KRAS: variants seen among roughly 807,000 people sequenced by gnomAD.
KRAS encodes GTPase KRas.
In KRAS, 1 loss-of-function variant was observed where a neutral mutation model predicts 21.0. That is an observed-to-expected ratio of 0.05 (90% CI 0.02 to 0.23). KRAS has a LOEUF of 0.23. Among genes scored for constraint, KRAS ranks in the 10% least tolerant of loss-of-function variants. KRAS has a pLI of 1.00. For synonymous variants in KRAS, 67 were observed against 72.5 expected (o/e 0.92, Z 0.39); for missense variants, 107 against 221.8 (o/e 0.48, Z 3.29).
chr12:25,215,673 A>T (rs904034689), intron 4 of KRAS: 76 of 799,868 alleles, frequency 9.5e-5, no homozygotes, highest in East Asian at 1.3e-4. Flanking sequence ...TTTTTTTTTT[A>T]AACAGACATC....
At chr12:25,224,335 G>A (rs1024226264) in intron 4 of KRAS, among the ~76,000 whole-genome samples, 1 of 152,082 alleles carries the variant, frequency 6.6e-6, no homozygotes, top group Non-Finnish European at 1.5e-5. Context: ...GACAAGATGT[G>A]GAAGTGGAAG....
At chr12:25,231,534 A>C (rs1476187934) in intron 2 of KRAS, among the ~76,000 whole-genome samples, 2 of 152,222 alleles carry the variant, frequency 1.3e-5, no homozygotes, top group East Asian at 3.8e-4. Context: ...CATATTTCAT[A>C]AGATGCTTCC....
At chr12:25,210,059 T>C in intron 4 of KRAS, 148 bp from the exon 5 acceptor site, 1 of 528,982 alleles carries the variant, frequency 1.9e-6, no homozygotes, top group Non-Finnish European at 3.2e-6. Context: ...ATATTAGGAC[T>C]TTTAGAATTC....
In KRAS at chr12:25,227,417, G is replaced by A. The variant is rs376520586; in HGVS notation, c.112-5C>T. The A allele has an allele frequency of 5.6e-6, 9 of 1,613,512 alleles. No individual in the cohort carries two copies. The highest frequency in any genetic ancestry group is 4.0e-5 in the African/African-American group (3 of 74,906). ...TACTTGCTTCCTGTAGGAATCCTGA[G>A]AAGGGAGAAACACAGTCTGGATTAT... On this transcript the variant is annotated splice_region_variant and splice_polypyrimidine_tract_variant and intron_variant, in intron 2 of 4. Coordinates refer to ENST00000311936, the MANE Select transcript of KRAS (RefSeq NM_004985.5).
chr12:25,220,681 C>T (rs1565882273), intron 4 of KRAS, among the ~76,000 whole-genome samples: 2 of 149,830 alleles, frequency 1.3e-5, no homozygotes, highest in Non-Finnish European at 3.0e-5. Flanking sequence ...GAGCCAGGAT[C>T]GCGCCACTGC....
chr12:25,244,052 T>C (rs898020957), intron 2 of KRAS, among the ~76,000 whole-genome samples: 1 of 152,216 alleles, frequency 6.6e-6, no homozygotes, highest in South Asian at 2.1e-4. Context: ...TGATTAGTTA[T>C]CTAATCAATT....
intron 4 of KRAS, among the ~76,000 whole-genome samples, chr12:25,219,057 G>T (rs1400421445): frequency 6.6e-6 from 1 of 151,652 alleles, no homozygotes; most frequent in East Asian, 1.9e-4. Flanking sequence ...TCCTGCCTCA[G>T]CCTCCTGAGT....
chr12:25,213,977 A>C (rs1057240563), intron 4 of KRAS, among the ~76,000 whole-genome samples: 3 of 152,242 alleles, frequency 2.0e-5, no homozygotes, highest in African/African-American at 7.2e-5. Context: ...ATTCTGGCTA[A>C]GATTTTGCTG....
intron 2 of KRAS, among the ~76,000 whole-genome samples, chr12:25,240,480 G>A (rs1480530329): frequency 2.0e-5 from 3 of 152,198 alleles, no homozygotes; most frequent in Non-Finnish European, 2.9e-5. Context: ...CCACATGAAT[G>A]AACTGATGTG....
Position 25,207,788 on chromosome 12 carries a change from G to C in KRAS, c.*2007C>G, listed in dbSNP as rs1319636170. 1 of 232,854 alleles carries C rather than the reference G, an allele frequency of 4.3e-6. No individual in the cohort carries two copies. Among genetic ancestry groups the C allele is most frequent in the African/African-American group, 2.2e-5 (1 of 45,316 alleles). The allele number at this position is 232,854 out of a possible 1,614,324, so 14.4% of individuals were successfully genotyped here. A position where few individuals can be genotyped will look rare whatever the true frequency, so the allele number is the denominator to read the frequency against. On this transcript the variant is annotated 3_prime_UTR_variant, in exon 5 of 5. Coordinates refer to ENST00000311936, the MANE Select transcript of KRAS (RefSeq NM_004985.5). The stretch of plus-strand genomic sequence containing the variant: ...GCCACCACCTGAAAATTAGTGATTA[G>C]GTCAAATCCCTTTATGGTATCTGTC...
chr12:25,209,278 C>A lies in KRAS; in HGVS notation c.*517G>T. 1.5e-6 allele frequency: 1 copy of A among 666,106 alleles called. No homozygotes were observed. The allele number at this position is 666,106 out of a possible 1,614,324, so 41.3% of individuals were successfully genotyped here. A position where few individuals can be genotyped will look rare whatever the true frequency, so the allele number is the denominator to read the frequency against. On this transcript the variant is annotated 3_prime_UTR_variant, in exon 5 of 5. Transcript: ENST00000311936. ...AACCTTTGTGAACAGTGTAACTTTA[C>A]ATTCATCAGGGATGACAAACTATAG...
At chr12:25,222,298 AT>A (rs1951336951) in intron 4 of KRAS, among the ~76,000 whole-genome samples, 1 of 152,176 alleles carries the variant, frequency 6.6e-6, no homozygotes, top group South Asian at 2.1e-4. Context: ...TAAAATTCCC[AT>A]ATTTCATTTT....
At chr12:25,210,992 GA>G (rs996048090) in intron 4 of KRAS, 2 of 152,054 alleles carry the variant, frequency 1.3e-5, no homozygotes, top group South Asian at 2.1e-4. Flanking sequence ...AAAAAATGAA[GA>G]AAAAATATGA....
chr12:25,241,400 T>C (rs1951608308), intron 2 of KRAS, among the ~76,000 whole-genome samples: 1 of 152,228 alleles, frequency 6.6e-6, no homozygotes, highest in African/African-American at 2.4e-5. Context: ...GGGGAGAGCT[T>C]CACAGCCTTG....
At position 25,209,238 on chromosome 12, in the gene KRAS, G is replaced by A. The variant is rs1219293620; in HGVS notation, c.*557C>T. The A allele has an allele frequency of 2.9e-6, 2 of 684,092 alleles. No homozygotes were observed. The highest frequency in any genetic ancestry group is 2.0e-5 in the Admixed American group (1 of 49,100). The allele number at this position is 684,092 out of a possible 1,614,324, so 42.4% of individuals were successfully genotyped here. ...GGGAGAGTGACCATGACTAATAGCA[G>A]TGGAAAGGAGACAAAACCTTTGTGA... On this transcript the variant is annotated 3_prime_UTR_variant, in exon 5 of 5. Transcript: ENST00000311936.
chr12:25,224,164 G>A (rs921160001), intron 4 of KRAS, among the ~76,000 whole-genome samples: 2 of 118,406 alleles, frequency 1.7e-5, no homozygotes, highest in Admixed American at 1.1e-4. Flanking sequence ...TTATTTTATA[G>A]TGTACTCCTC....
At chr12:25,231,253 C>T (rs1015274758) in intron 2 of KRAS, among the ~76,000 whole-genome samples, 6 of 152,000 alleles carry the variant, frequency 3.9e-5, no homozygotes, top group Admixed American at 3.9e-4. Context: ...TGGCACGTGC[C>T]ACTGTGTCCA....
At chr12:25,244,654 A>G (rs1330448672) in intron 2 of KRAS, among the ~76,000 whole-genome samples, 3 of 152,162 alleles carry the variant, frequency 2.0e-5, no homozygotes, top group East Asian at 1.9e-4. Flanking sequence ...CAAAAACATG[A>G]TAACAATTTA....
chr12:25,238,858 T>G (rs1951574853), intron 2 of KRAS, among the ~76,000 whole-genome samples: 2 of 152,220 alleles, frequency 1.3e-5, no homozygotes, highest in South Asian at 4.1e-4. Context: ...AACACTGCAG[T>G]AAACATTCTT....
Sources: allele counts gnomAD v4.1 joint callset (sites outside exome capture counted in the v4.1 genomes callset), GRCh38; gene constraint gnomAD v4.1.1; transcripts MANE v1.5; gene names NCBI Gene and HGNC (gene_info 2026-07-23, HGNC 2026-07-21).